Variants in NXPE2 observed in about 807,000 individuals in gnomAD.
The protein encoded by NXPE2 is neurexophilin and PC-esterase domain family member 2.
Under a neutral mutation model 34.4 loss-of-function variants are expected in NXPE2, and 34 were observed. That is an observed-to-expected ratio of 0.99 (90% confidence interval 0.75 to 1.31). NXPE2 has a LOEUF of 1.31. Ranked by LOEUF, NXPE2 falls within the 40% of genes most tolerant of loss-of-function variation. NXPE2 has a pLI of 0.00. For synonymous variants in NXPE2, 235 were observed against 231.3 expected (o/e 1.02, Z -0.15); for missense variants, 649 against 672.5 (o/e 0.97, Z 0.39).
the NXPE2 span, among the ~76,000 whole-genome samples, chr11:114,622,657 T>C: frequency 1.4e-4 from 21 of 152,200 alleles, no homozygotes; most frequent in South Asian, 3.5e-3. Context: ...GGGTAACCAG[T>C]GTTACCCGGT....
the NXPE2 span, among the ~76,000 whole-genome samples, chr11:114,640,542 A>C: frequency 1.3e-5 from 2 of 151,808 alleles, no homozygotes; most frequent in Non-Finnish European, 2.9e-5. Context: ...TACTATTTAC[A>C]CAGAGGTTGT....
chr11:114,570,239 T>C, the NXPE2 span, among the ~76,000 whole-genome samples: 2 of 152,162 alleles, frequency 1.3e-5, no homozygotes, highest in South Asian at 4.1e-4. Flanking sequence ...AGTCTTTGAC[T>C]GTCTTGCAAC....
At chr11:114,648,087 C>T in the NXPE2 span, among the ~76,000 whole-genome samples, 4 of 152,026 alleles carry the variant, frequency 2.6e-5, no homozygotes, top group African/African-American at 4.8e-5. Context: ...TGCCCTGGTT[C>T]CTGAGACAGA....
At chr11:114,735,738 T>C in the NXPE2 span, among the ~76,000 whole-genome samples, 5,610 of 152,218 alleles carry the variant, frequency 0.037, 352 homozygotes, top group African/African-American at 0.13. Flanking sequence ...AAAGTAGCCA[T>C]AGCACCCTAT....
chr11:114,616,994 C>T, the NXPE2 span, among the ~76,000 whole-genome samples: 5 of 150,412 alleles, frequency 3.3e-5, no homozygotes, highest in Non-Finnish European at 1.5e-5. Context: ...TTGTGGGTAA[C>T]CACTGTTACC....
intron 2 of NXPE2, among the ~76,000 whole-genome samples, chr11:114,692,239 G>A (rs949838953): frequency 6.6e-6 from 1 of 152,196 alleles, no homozygotes; most frequent in African/African-American, 2.4e-5. Flanking sequence ...GAAGAGGATG[G>A]GGTCCCTCTC....
chr11:114,607,304 C>T, the NXPE2 span, among the ~76,000 whole-genome samples: 29,316 of 151,734 alleles, frequency 0.19, 3,416 homozygotes, highest in African/African-American at 0.32. Flanking sequence ...TTAGTATTGC[C>T]TCGTGGGTCA....
At chr11:114,747,147 A>G in the NXPE2 span, among the ~76,000 whole-genome samples, 1 of 152,128 alleles carries the variant, frequency 6.6e-6, no homozygotes, top group East Asian at 1.9e-4. Flanking sequence ...TCTCTATAGG[A>G]TAGATTATAC....
chr11:114,540,947 C>T, the NXPE2 span, among the ~76,000 whole-genome samples: 2 of 133,326 alleles, frequency 1.5e-5, no homozygotes, highest in Non-Finnish European at 3.1e-5. Context: ...GGGGGAAATC[C>T]CAGAACAGAG....
chr11:114,667,132 A>T, the NXPE2 span, among the ~76,000 whole-genome samples: 2 of 152,126 alleles, frequency 1.3e-5, no homozygotes, highest in African/African-American at 4.8e-5. Flanking sequence ...AGTTATCTGT[A>T]TACATGAAGA....
chr11:114,580,415 T>C, the NXPE2 span: 14 of 1,225,806 alleles, frequency 1.1e-5, no homozygotes, highest in Non-Finnish European at 1.7e-5. Flanking sequence ...CCTTCTATCC[T>C]CTAAGTATCC....
chr11:114,554,527 A>G, the NXPE2 span: 324 of 269,140 alleles, frequency 1.2e-3, 1 homozygote, highest in African/African-American at 7.2e-3. Context: ...ATACTGAGGT[A>G]TAGTTATCAA....
chr11:114,789,653 G>A, the NXPE2 span, among the ~76,000 whole-genome samples: 1 of 152,188 alleles, frequency 6.6e-6, no homozygotes, highest in African/African-American at 2.4e-5. Context: ...TGGGAAAAGA[G>A]GGTTAGTTGG....
chr11:114,466,893 C>T, the NXPE2 span, among the ~76,000 whole-genome samples: 7 of 152,218 alleles, frequency 4.6e-5, no homozygotes, highest in African/African-American at 9.6e-5. Context: ...GATGTGGCCC[C>T]GATTGCAGAA....
chr11:114,618,797 A>G, the NXPE2 span, among the ~76,000 whole-genome samples: 23 of 151,904 alleles, frequency 1.5e-4, no homozygotes, highest in Admixed American at 1.5e-3. Context: ...CTCGTGGGAA[A>G]CCAGTGTTAC....
the NXPE2 span, among the ~76,000 whole-genome samples, chr11:114,633,392 A>C: frequency 6.9e-6 from 1 of 144,528 alleles, no homozygotes; most frequent in East Asian, 2.0e-4. Context: ...TATATTATAT[A>C]TTATATATTA....
the NXPE2 span, among the ~76,000 whole-genome samples, chr11:114,558,200 G>C: frequency 6.6e-6 from 1 of 151,936 alleles, no homozygotes; most frequent in Non-Finnish European, 1.5e-5. Context: ...ATGTATATGT[G>C]TTTATGTGTG....
chr11:114,609,343 A>T, the NXPE2 span, among the ~76,000 whole-genome samples: 1 of 151,662 alleles, frequency 6.6e-6, no homozygotes, highest in Non-Finnish European at 1.5e-5. Flanking sequence ...GTGTATAATA[A>T]GTAATGTCTC....
chr11:114,759,901 T>C, the NXPE2 span, among the ~76,000 whole-genome samples: 1 of 152,214 alleles, frequency 6.6e-6, no homozygotes, highest in African/African-American at 2.4e-5. Flanking sequence ...TCAAGTTCTG[T>C]GGACAAAAGT....
Sources: allele counts gnomAD v4.1 joint callset (sites outside exome capture counted in the v4.1 genomes callset), GRCh38; gene constraint gnomAD v4.1.1; transcripts MANE v1.5; gene names NCBI Gene and HGNC (gene_info 2026-07-23, HGNC 2026-07-21).